The following PIBF1 variants were observed in gnomAD, a reference collection of about 807,000 sequenced individuals.
The protein encoded by PIBF1 is progesterone immunomodulatory binding factor 1.
Under a neutral mutation model 112.5 loss-of-function variants are expected in PIBF1, and 90 were observed. The observed-to-expected ratio is 0.80, with a 90% CI of 0.67 to 0.95. The LOEUF is 0.95. Ranked by LOEUF, PIBF1 falls within the 40% of genes least tolerant of loss-of-function variation. The pLI is 0.00. For missense variants in PIBF1, 915 were observed against 852.3 expected, an observed-to-expected ratio of 1.07 and a Z score of -0.92; for synonymous variants, 301 against 288.6, an observed-to-expected ratio of 1.04 and a Z score of -0.44.
At chr13:72,833,487 T>C (rs1340420118) in intron 8 of PIBF1, among the ~76,000 whole-genome samples, 1 of 152,206 alleles carries the variant, frequency 6.6e-6, no homozygotes, top group African/African-American at 2.4e-5. Context: ...GTTTGTTAAT[T>C]TTCCATCTGA....
intron 15 of PIBF1, 137 bp downstream of exon 15, chr13:72,965,541 T>G (rs747630610): frequency 6.7e-5 from 45 of 667,842 alleles, no homozygotes; most frequent in Non-Finnish European, 1.1e-4. Flanking sequence ...AATATTAAAC[T>G]TTTCTTAGAA....
chr13:72,899,882 G>A (rs2040419099), intron 11 of PIBF1, among the ~76,000 whole-genome samples: 1 of 152,072 alleles, frequency 6.6e-6, no homozygotes, highest in African/African-American at 2.4e-5. Context: ...AAAGCTCCTA[G>A]AACTGATTAA....
chr13:72,916,402 A>G (rs1266367199), intron 12 of PIBF1, among the ~76,000 whole-genome samples: 2 of 142,770 alleles, frequency 1.4e-5, no homozygotes, highest in African/African-American at 5.8e-5. Flanking sequence ...CAAAAAATAT[A>G]TATATATATA....
intron 5 of PIBF1, among the ~76,000 whole-genome samples, chr13:72,801,460 A>G (rs2035470678): frequency 6.6e-6 from 1 of 152,206 alleles, no homozygotes; most frequent in African/African-American, 2.4e-5. Flanking sequence ...ACACAAATCT[A>G]TTATCAAAAG....
chr13:72,966,937 G>A (rs2138918138), intron 15 of PIBF1, among the ~76,000 whole-genome samples: 1 of 146,246 alleles, frequency 6.8e-6, no homozygotes, highest in African/African-American at 2.7e-5. Context: ...ATTAAATTTT[G>A]AATCTTTTTT....
intron 10 of PIBF1, among the ~76,000 whole-genome samples, chr13:72,863,097 T>G (rs1398209052): frequency 1.3e-5 from 2 of 152,174 alleles, no homozygotes; most frequent in Non-Finnish European, 2.9e-5. Context: ...TGTTTTAATA[T>G]ATAATTTAAA....
chr13:72,853,984 A>C lies in PIBF1; in HGVS notation c.1224-73A>C, dbSNP rs1463077464. 2.2e-5 allele frequency: 25 copies of C among 1,122,018 alleles called. No individual in the cohort carries two copies. In the South Asian group the frequency reaches 2.8e-4, roughly 13 times the overall value. The allele number at this position is 1,122,018 out of a possible 1,614,324, so 69.5% of individuals were successfully genotyped here. A position where few individuals can be genotyped will look rare whatever the true frequency, so the allele number is the denominator to read the frequency against. On this transcript the variant is annotated intron_variant, in intron 9 of 17. Transcript: ENST00000326291. ...TCAGATGGGTCCTTAAGATTGTCAG[A>C]TAGTCCATCTTTAAGAAAGAACATA...
At chr13:72,869,021 C>T (rs1193799366) in intron 10 of PIBF1, among the ~76,000 whole-genome samples, 2 of 151,972 alleles carry the variant, frequency 1.3e-5, no homozygotes, top group African/African-American at 2.4e-5. Context: ...GTTGGTGGGA[C>T]TGTAAACTAG....
intron 16 of PIBF1, among the ~76,000 whole-genome samples, chr13:72,981,634 C>T (rs2043160520): frequency 6.6e-6 from 1 of 152,078 alleles, no homozygotes; most frequent in African/African-American, 2.4e-5. Context: ...TTTGAAGTAG[C>T]TGTGTAATAA....
At chr13:72,877,907 G>A (rs924933842) in intron 10 of PIBF1, among the ~76,000 whole-genome samples, 16 of 151,478 alleles carry the variant, frequency 1.1e-4, no homozygotes, top group African/African-American at 2.9e-4. Flanking sequence ...GCACCACCAC[G>A]CCTGGTTAAT....
At chr13:72,836,078 G>A (rs770686630) in intron 9 of PIBF1, 19 of 437,906 alleles carry the variant, frequency 4.3e-5, no homozygotes, top group South Asian at 1.5e-4. Context: ...CAGCCTTGGC[G>A]AAAGTGCGAG....
At chr13:72,856,743 T>A (rs533383602) in intron 10 of PIBF1, among the ~76,000 whole-genome samples, 18 of 152,214 alleles carry the variant, frequency 1.2e-4, no homozygotes, top group Non-Finnish European at 2.2e-4. Flanking sequence ...GACTGTAATG[T>A]TGATAAATGA....
intron 16 of PIBF1, among the ~76,000 whole-genome samples, chr13:72,997,088 A>C (rs971747457): frequency 2.6e-5 from 4 of 151,546 alleles, no homozygotes; most frequent in Non-Finnish European, 5.9e-5. Context: ...TGACCACTAA[A>C]CCCCCCTTTA....
At chr13:72,865,859 A>G (rs1014171804) in intron 10 of PIBF1, among the ~76,000 whole-genome samples, 3 of 152,244 alleles carry the variant, frequency 2.0e-5, no homozygotes, top group Non-Finnish European at 2.9e-5. Context: ...AAATATACAC[A>G]TCAAAAACAA....
intron 17 of PIBF1, among the ~76,000 whole-genome samples, chr13:73,010,810 CTTTTTTTTTTTTTTTTT>C (rs1176079981): frequency 2.0e-4 from 8 of 40,304 alleles, no homozygotes; most frequent in African/African-American, 6.7e-4. Flanking sequence ...ATTAACTTTT[CTTTTTTTTTTTTTTTTT>C]TTTTTTTTTT....
At chr13:72,982,770 C>G (rs2043185534) in intron 16 of PIBF1, among the ~76,000 whole-genome samples, 1 of 152,146 alleles carries the variant, frequency 6.6e-6, no homozygotes, top group Non-Finnish European at 1.5e-5. Context: ...CACTCTGATA[C>G]TGAAATATTT....
chr13:72,930,890 A>G (rs1219488265), intron 13 of PIBF1, among the ~76,000 whole-genome samples: 1 of 152,098 alleles, frequency 6.6e-6, no homozygotes, highest in Non-Finnish European at 1.5e-5. Context: ...TTATAATGTT[A>G]CCTCTCCACT....
At chr13:72,893,188 G>A (rs912474554) in intron 10 of PIBF1, among the ~76,000 whole-genome samples, 5 of 152,100 alleles carry the variant, frequency 3.3e-5, no homozygotes, top group African/African-American at 1.2e-4. Context: ...AAGTGGAAAT[G>A]TTTTTATTAC....
intron 10 of PIBF1, among the ~76,000 whole-genome samples, chr13:72,856,290 A>T (rs1329120654): frequency 6.6e-6 from 1 of 152,168 alleles, no homozygotes; most frequent in South Asian, 2.1e-4. Context: ...TTTGTTCTTC[A>T]CAAGTTGATA....
Sources: gnomAD v4.1 joint callset for allele counts (sites outside exome capture counted in the v4.1 genomes callset) on GRCh38, gnomAD v4.1.1 for gene constraint, MANE v1.5 for transcripts, NCBI Gene and HGNC (gene_info 2026-07-23, HGNC 2026-07-21) for gene names.